The following MAPKAP1 variants were observed in gnomAD, a reference collection of about 807,000 sequenced individuals.
MAPKAP1 encodes target of rapamycin complex 2 subunit MAPKAP1.
Under a neutral mutation model 65.7 loss-of-function variants are expected in MAPKAP1, and 20 were observed. The observed-to-expected ratio is 0.30, with a 90% CI of 0.21 to 0.44. The LOEUF (loss-of-function observed/expected upper bound fraction) is 0.44. Ranked by LOEUF, MAPKAP1 falls within the 20% of genes least tolerant of loss-of-function variation. The pLI is 1.00. For missense variants in MAPKAP1, 423 were observed against 648.0 expected, an observed-to-expected ratio of 0.65 and a Z score of 3.77; for synonymous variants, 222 against 244.3, an observed-to-expected ratio of 0.91 and a Z score of 0.85.
chr9:125,559,641 A>G lies in MAPKAP1; in HGVS notation c.840T>C (p.Phe280=). The part of the protein sequence containing the change: ...SPGLTSKESL[F]VRINAAHGFS... ...ATAGAGTCAGTACTCACATTCGAAC[A>G]AAGAGTGACTCTTTGGATGTCAGAC... is the stretch of plus-strand genomic sequence containing the variant. Residue 280 remains phenylalanine, a synonymous_variant, in exon 6 of 12, where the codon TTT becomes TTC. Coordinates refer to ENST00000265960, the MANE Select transcript of MAPKAP1 (RefSeq NM_001006617.3). 3 of 1,613,422 alleles carry G rather than the reference A, an allele frequency of 1.9e-6. No individual in the cohort carries two copies. Among genetic ancestry groups the G allele is most frequent in the Non-Finnish European group, 2.5e-6 (3 of 1,179,574 alleles).
chr9:125,470,431 C>T (rs1853863536), intron 9 of MAPKAP1, among the ~76,000 whole-genome samples: 1 of 152,204 alleles, frequency 6.6e-6, no homozygotes, highest in African/African-American at 2.4e-5. Context: ...AGGTCACTCC[C>T]CATTGCATCA....
chr9:125,552,850 G>C (rs1430387237), intron 6 of MAPKAP1, among the ~76,000 whole-genome samples: 1 of 152,134 alleles, frequency 6.6e-6, no homozygotes, highest in South Asian at 2.1e-4. Context: ...CTGAACCCAA[G>C]AGTTCCAGTC....
intron 4 of MAPKAP1, among the ~76,000 whole-genome samples, chr9:125,607,031 C>T (rs1832457809): frequency 6.6e-6 from 1 of 152,106 alleles, no homozygotes; most frequent in African/African-American, 2.4e-5. Context: ...GCCTCAGTTT[C>T]CCCATGCCAA....
intron 1 of MAPKAP1, among the ~76,000 whole-genome samples, chr9:125,692,017 T>C (rs1373535257): frequency 1.3e-5 from 2 of 152,148 alleles, no homozygotes; most frequent in African/African-American, 4.8e-5. Flanking sequence ...ATACAGAACC[T>C]GAGGAGAATA....
chr9:125,498,876 T>TC (rs1310268266), intron 8 of MAPKAP1, among the ~76,000 whole-genome samples: 1 of 152,044 alleles, frequency 6.6e-6, no homozygotes, highest in Non-Finnish European at 1.5e-5. Context: ...AACATACATC[T>TC]CCTCGAGGGC....
intron 4 of MAPKAP1, among the ~76,000 whole-genome samples, chr9:125,608,045 G>A (rs1290071510): frequency 6.6e-6 from 1 of 152,232 alleles, no homozygotes; most frequent in Non-Finnish European, 1.5e-5. Context: ...TGTCACGCCA[G>A]CGCCTGTAGT....
chr9:125,597,333 G>A (rs1363617130), intron 4 of MAPKAP1, among the ~76,000 whole-genome samples: 4 of 150,026 alleles, frequency 2.7e-5, no homozygotes, highest in Non-Finnish European at 4.4e-5. Context: ...CAGCTACTCA[G>A]GAGGCTGAGG....
chr9:125,614,586 T>C (rs914160995), intron 4 of MAPKAP1, among the ~76,000 whole-genome samples: 2 of 152,108 alleles, frequency 1.3e-5, no homozygotes, highest in African/African-American at 4.8e-5. Context: ...GATCGCGCCA[T>C]TGCACTCCAG....
At position 125,575,224 on chromosome 9, in the gene MAPKAP1, T is replaced by C. The variant is rs1456072355; in HGVS notation, c.671+10331A>G. Among the ~76,000 whole-genome samples, 3 of 152,148 alleles carry C rather than the reference T, an allele frequency of 2.0e-5. No homozygotes were observed. In the East Asian group the frequency reaches 5.8e-4, roughly 29 times the overall value. On this transcript the variant is annotated intron_variant, in intron 5 of 11. Transcript: ENST00000265960. ...AAAAATTTTAAAAATTAGCCAAGTG[T>C]AGGGACATGCACCTGTAGTTCTAGC...
At chr9:125,585,799 G>A in intron 4 of MAPKAP1, 72 bp from the exon 5 acceptor site, 1 of 1,457,716 alleles carries the variant, frequency 6.9e-7, no homozygotes, top group South Asian at 1.2e-5. Context: ...CTCCAGGCCT[G>A]TGGGCAGCAC....
intron 1 of MAPKAP1, among the ~76,000 whole-genome samples, chr9:125,698,291 ATATAT>A (rs1835466030): frequency 4.8e-4 from 1 of 2,066 alleles, no homozygotes; most frequent in African/African-American, 1.7e-3. Context: ...ATATATAAAT[ATATAT>A]ATATATATAT....
At chr9:125,683,456 G>A (rs1386752846) in intron 1 of MAPKAP1, among the ~76,000 whole-genome samples, 2 of 152,188 alleles carry the variant, frequency 1.3e-5, no homozygotes, top group Admixed American at 6.5e-5. Flanking sequence ...CCTTGAAGAA[G>A]CAAACAGCTA....
chr9:125,621,840 T>C (rs755433887), intron 4 of MAPKAP1, among the ~76,000 whole-genome samples: 7 of 152,210 alleles, frequency 4.6e-5, no homozygotes, highest in Non-Finnish European at 8.8e-5. Context: ...CTGAAAAGTT[T>C]AGAAGTGCAA....
At chr9:125,514,394 A>C (rs1829400219) in intron 7 of MAPKAP1, among the ~76,000 whole-genome samples, 1 of 152,132 alleles carries the variant, frequency 6.6e-6, no homozygotes, top group African/African-American at 2.4e-5. Context: ...TGCTTGGTGC[A>C]TTGTTGATGC....
intron 1 of MAPKAP1, among the ~76,000 whole-genome samples, chr9:125,682,695 T>G (rs1377057638): frequency 6.6e-6 from 1 of 152,242 alleles, no homozygotes; most frequent in African/African-American, 2.4e-5. Context: ...TTACTAGTTT[T>G]ACCTAAACTG....
At chr9:125,505,907 C>T (rs186551773) in intron 8 of MAPKAP1, 8 of 229,448 alleles carry the variant, frequency 3.5e-5, no homozygotes, top group Admixed American at 3.0e-4. Context: ...AATCACTACA[C>T]TGCCTCCTGC....
chr9:125,631,600 C>T (rs1006621576), intron 4 of MAPKAP1, among the ~76,000 whole-genome samples: 4 of 152,188 alleles, frequency 2.6e-5, no homozygotes, highest in Non-Finnish European at 5.9e-5. Context: ...CTAACCACAG[C>T]CATGGTGATT....
chr9:125,657,504 A>G, intron 4 of MAPKAP1, 147 bp downstream of exon 4: 1 of 729,452 alleles, frequency 1.4e-6, no homozygotes, highest in African/African-American at 1.8e-5. Context: ...CTTTACATCA[A>G]GTCTTAGAAA....
At chr9:125,544,420 C>G (rs192275815) in intron 6 of MAPKAP1, among the ~76,000 whole-genome samples, 93 of 152,154 alleles carry the variant, frequency 6.1e-4, no homozygotes, top group Non-Finnish European at 1.2e-3. Context: ...AAAACACTTA[C>G]ACTCCTTGTA....
Sources: gnomAD v4.1 joint callset for allele counts (sites outside exome capture counted in the v4.1 genomes callset) on GRCh38, gnomAD v4.1.1 for gene constraint, MANE v1.5 for transcripts, NCBI Gene and HGNC (gene_info 2026-07-23, HGNC 2026-07-21) for gene names.